CCSER1: variants seen among roughly 807,000 people sequenced by gnomAD.
The protein encoded by CCSER1 is serine-rich coiled-coil domain-containing protein 1.
CCSER1 carries 41 observed loss-of-function variants against 82.0 expected under a neutral mutation model. That is an observed-to-expected ratio of 0.50 (90% confidence interval 0.39 to 0.65). The LOEUF (loss-of-function observed/expected upper bound fraction) is 0.65, where lower values mean the gene tolerates loss of function less well. Among genes scored for constraint, CCSER1 ranks in the 30% least tolerant of loss-of-function variants. The pLI, the probability that CCSER1 is intolerant of heterozygous loss-of-function variation, is 0.00. For missense variants in CCSER1, 1,119 were observed against 1,064.2 expected (o/e 1.05, Z -0.72); for synonymous variants, 414 against 383.9 (o/e 1.08, Z -0.92).
intron 8 of CCSER1, among the ~76,000 whole-genome samples, chr4:90,914,727 A>C (rs530124703): frequency 8.6e-5 from 13 of 150,960 alleles, no homozygotes; most frequent in South Asian, 4.2e-4. Context: ...AAAAAAAAAA[A>C]AACTTTTTTG....
chr4:91,593,466 G>GTTTTTTTTTTTT (rs1308070910), intron 10 of CCSER1, among the ~76,000 whole-genome samples: 1 of 75,462 alleles, frequency 1.3e-5, no homozygotes. Flanking sequence ...TCAACCCCGT[G>GTTTTTTTTTTTT]CTTTTTTTTT....
chr4:91,179,999 CCTTT>C (rs1331429109), intron 10 of CCSER1, among the ~76,000 whole-genome samples: 2 of 152,154 alleles, frequency 1.3e-5, no homozygotes, highest in African/African-American at 4.8e-5. Context: ...GTGTGGATGT[CCTTT>C]CTGTTTATTA....
Position 90,235,220 on chromosome 4 carries a change from A to G in CCSER1, c.-41-73024A>G, listed in dbSNP as rs1026127532. 7.2e-5 allele frequency: 11 copies of G among 152,768 alleles called. No individual in the cohort carries two copies. In the East Asian group the frequency reaches 2.1e-3, roughly 29 times the overall value. The allele number at this position is 152,768 out of a possible 1,614,324, so 9.5% of individuals were successfully genotyped here. ...ATTCTGCTGATGCCTTGGGCTCTCCATGTCCCAGGGTGATTCCATAGACAA... is the reference window on the plus strand; with the variant it reads ...ATTCTGCTGATGCCTTGGGCTCTCCGTGTCCCAGGGTGATTCCATAGACAA... On this transcript the variant is annotated intron_variant, in intron 1 of 10. Transcript: ENST00000509176.
chr4:91,179,421 C>T (rs889243378), intron 10 of CCSER1, among the ~76,000 whole-genome samples: 14 of 152,294 alleles, frequency 9.2e-5, no homozygotes, highest in South Asian at 4.1e-4. Flanking sequence ...CCATTCTCCC[C>T]GCCACTTTCA....
chr4:91,303,106 T>C (rs983523787), intron 10 of CCSER1, among the ~76,000 whole-genome samples: 1 of 152,018 alleles, frequency 6.6e-6, no homozygotes, highest in Non-Finnish European at 1.5e-5. Context: ...TGCCAGATGT[T>C]GTGGGAGGAC....
In CCSER1 at chr4:90,614,075, C is replaced by T. The variant is rs769341057; in HGVS notation, c.1725-13950C>T. On this transcript the variant is annotated intron_variant, in intron 5 of 10. Coordinates refer to ENST00000509176, the MANE Select transcript of CCSER1 (RefSeq NM_001145065.2). ...CTAGTTTTCCAACAACCTGTGCTCACTGTGTCTCTGTGCCACAATTTGGTA... is the reference window on the plus strand; with the variant it reads ...CTAGTTTTCCAACAACCTGTGCTCATTGTGTCTCTGTGCCACAATTTGGTA... 8.5e-5 allele frequency among the ~76,000 whole-genome samples: 13 copies of T among 152,302 alleles called. No individual in the cohort carries two copies. In the East Asian group the frequency reaches 1.9e-3, roughly 23 times the overall value.
At chr4:90,394,096 CT>C (rs112880001) in intron 3 of CCSER1, among the ~76,000 whole-genome samples, 1,892 of 133,618 alleles carry the variant, frequency 0.014, 14 homozygotes, top group South Asian at 0.038. Context: ...TTACATCTTA[CT>C]TTTTTTTTTT....
intron 3 of CCSER1, among the ~76,000 whole-genome samples, chr4:90,372,054 A>G (rs1421506874): frequency 6.6e-6 from 1 of 152,216 alleles, no homozygotes; most frequent in African/African-American, 2.4e-5. Flanking sequence ...CTACTGATCA[A>G]AAATCGTTTG....
At chr4:90,278,333 A>G (rs548559423) in intron 1 of CCSER1, among the ~76,000 whole-genome samples, 1 of 152,236 alleles carries the variant, frequency 6.6e-6, no homozygotes, top group South Asian at 2.1e-4. Context: ...CTGGGTATAT[A>G]CTTAGAGAAA....
Position 90,601,545 on chromosome 4 carries a change from C to A in CCSER1, c.1725-26480C>A, listed in dbSNP as rs894156058. Among the ~76,000 whole-genome samples, 55 of 152,022 alleles carry A rather than the reference C, an allele frequency of 3.6e-4. No homozygotes were observed. In the Middle Eastern group the frequency reaches 0.01, roughly 28 times the overall value. On this transcript the variant is annotated intron_variant, in intron 5 of 10. Transcript: ENST00000509176. ...TACATTTACTTTCTTTACTTGTATG[C>A]TATTTTATTTAGTTCCATTCTCATC...
intron 1 of CCSER1, among the ~76,000 whole-genome samples, chr4:90,171,132 T>C: frequency 6.7e-6 from 1 of 149,320 alleles, no homozygotes; most frequent in Non-Finnish European, 1.5e-5. Context: ...TTAATATGTA[T>C]CCCCAAAAAT....
At chr4:90,780,737 T>A in intron 7 of CCSER1, 1 of 1,260,340 alleles carries the variant, frequency 7.9e-7, no homozygotes, top group Non-Finnish European at 9.9e-7. Flanking sequence ...TACTCCCTTT[T>A]TACTTTATTA....
intron 3 of CCSER1, among the ~76,000 whole-genome samples, chr4:90,343,510 A>G (rs945664933): frequency 1.3e-5 from 2 of 152,110 alleles, no homozygotes; most frequent in Admixed American, 6.5e-5. Flanking sequence ...CCAGCTCCTC[A>G]GGAGGCTGAG....
In CCSER1 at chr4:90,902,807, A is replaced by G. The variant is rs6829855; in HGVS notation, c.2095-20563A>G. 9.4e-3 allele frequency among the ~76,000 whole-genome samples: 1,436 copies of G among 152,112 alleles called. 20 individuals carry two copies. Among genetic ancestry groups the G allele is most frequent in the African/African-American group, 0.033 (1,369 of 41,514 alleles). ...ATCTGTCTTGCCCTCAAGTAGGTTGATGATGAGTGGAAGCACCTGCCCTGA... is the reference window on the plus strand; with the variant it reads ...ATCTGTCTTGCCCTCAAGTAGGTTGGTGATGAGTGGAAGCACCTGCCCTGA... On this transcript the variant is annotated intron_variant, in intron 8 of 10. Coordinates refer to ENST00000509176, the MANE Select transcript of CCSER1 (RefSeq NM_001145065.2).
intron 10 of CCSER1, among the ~76,000 whole-genome samples, chr4:91,400,491 A>G (rs1487401997): frequency 3.3e-5 from 5 of 149,976 alleles, no homozygotes; most frequent in Non-Finnish European, 3.0e-5. Context: ...TACTTGTAGA[A>G]TACCTAATTT....
intron 6 of CCSER1, among the ~76,000 whole-genome samples, chr4:90,698,885 G>T (rs1485012938): frequency 1.3e-5 from 2 of 152,100 alleles, no homozygotes; most frequent in African/African-American, 4.8e-5. Flanking sequence ...TGGGAGGATG[G>T]CTTGAGACTA....
At chr4:90,489,505 C>G (rs868055451) in intron 5 of CCSER1, among the ~76,000 whole-genome samples, 10 of 151,966 alleles carry the variant, frequency 6.6e-5, no homozygotes, top group South Asian at 6.2e-4. Flanking sequence ...TAGTACGTCA[C>G]TTCTAAATTC....
intron 10 of CCSER1, among the ~76,000 whole-genome samples, chr4:91,244,110 A>G (rs577313888): frequency 6.6e-6 from 1 of 152,262 alleles, no homozygotes; most frequent in South Asian, 2.1e-4. Flanking sequence ...TTAAATGAAC[A>G]TTTGTGGTGG....
At chr4:91,189,241 T>C (rs569145550) in intron 10 of CCSER1, among the ~76,000 whole-genome samples, 2 of 149,952 alleles carry the variant, frequency 1.3e-5, no homozygotes, top group East Asian at 3.9e-4. Flanking sequence ...TCAAAAAATG[T>C]TTATGTTTAT....
Sources: gnomAD v4.1 joint callset for allele counts (sites outside exome capture counted in the v4.1 genomes callset) on GRCh38, gnomAD v4.1.1 for gene constraint, MANE v1.5 for transcripts, NCBI Gene and HGNC (gene_info 2026-07-23, HGNC 2026-07-21) for gene names.